LRP11: variants seen among roughly 807,000 people sequenced by gnomAD.
LRP11 encodes low-density lipoprotein receptor-related protein 11.
In LRP11, 25 loss-of-function variants were observed where a neutral mutation model predicts 43.1. The observed-to-expected ratio is 0.58, with a 90% CI of 0.42 to 0.81. The LOEUF (loss-of-function observed/expected upper bound fraction) is 0.81, where lower values mean the gene tolerates loss of function less well. Among genes scored for constraint, LRP11 ranks in the 30% least tolerant of loss-of-function variants. The pLI is 0.00. For missense variants in LRP11, 623 were observed against 665.1 expected, an observed-to-expected ratio of 0.94 and a Z score of 0.70; for synonymous variants, 316 against 299.4, an observed-to-expected ratio of 1.06 and a Z score of -0.57.
intron 1 of LRP11, among the ~76,000 whole-genome samples, chr6:149,859,004 T>C (rs1201183430): frequency 1.3e-5 from 2 of 152,152 alleles, no homozygotes; most frequent in African/African-American, 2.4e-5. Flanking sequence ...AAGTTTCCCA[T>C]ATGCATGTCA....
chr6:149,832,215 T>A (rs1819531), intron 5 of LRP11, among the ~76,000 whole-genome samples: 3 of 144,180 alleles, frequency 2.1e-5, no homozygotes, highest in African/African-American at 5.2e-5. Context: ...TTTTTGAGAC[T>A]GAGTCTCACT....
intron 1 of LRP11, among the ~76,000 whole-genome samples, chr6:149,862,577 CTTT>C (rs10553273): frequency 5.6e-4 from 71 of 126,194 alleles, no homozygotes; most frequent in African/African-American, 1.6e-3. Context: ...TTTTCTTTTC[CTTT>C]TTTTTTTTTT....
chr6:149,824,277 A>G (rs1214595437), intron 6 of LRP11, among the ~76,000 whole-genome samples: 4 of 152,202 alleles, frequency 2.6e-5, no homozygotes, highest in Non-Finnish European at 5.9e-5. Flanking sequence ...AATAAAACAG[A>G]CGAGATCTGG....
At chr6:149,850,480 ATTAG>A (rs1181735036) in intron 2 of LRP11, among the ~76,000 whole-genome samples, 1 of 152,206 alleles carries the variant, frequency 6.6e-6, no homozygotes, top group African/African-American at 2.4e-5. Context: ...TTTCAAAGAC[ATTAG>A]TTAAAGAGGG....
At chr6:149,839,781 A>G (rs1488714714) in intron 3 of LRP11, among the ~76,000 whole-genome samples, 3 of 152,174 alleles carry the variant, frequency 2.0e-5, no homozygotes, top group African/African-American at 7.2e-5. Flanking sequence ...CAGCCTCCTG[A>G]GTAGCTGGGA....
Position 149,863,534 on chromosome 6 carries a change from A to G in LRP11, c.487T>C (p.Phe163Leu). Residue 163 changes from phenylalanine (F) to leucine (L), a missense_variant, in exon 1 of 7, where the codon TTC becomes CTC. By Grantham distance (22) the Phe-to-Leu change is conservative. Coordinates refer to ENST00000239367, the MANE Select transcript of LRP11 (RefSeq NM_032832.6). Reference sequence around the variant, plus strand: ...TTGCGGCCGCGCGCCGTGCAGTTGAAGAGGTAGCAGCCGAGCACGGCTGCC... The same window carrying G: ...TTGCGGCCGCGCGCCGTGCAGTTGAGGAGGTAGCAGCCGAGCACGGCTGCC... ...PPAAVLGCYLFNCTARGRNVC... is the reference protein window; with the variant it reads ...PPAAVLGCYLLNCTARGRNVC... The G allele has an allele frequency of 1.5e-6, 2 of 1,359,156 alleles. No homozygotes were observed. Among genetic ancestry groups the G allele is most frequent in the South Asian group, 1.8e-5 (1 of 55,494 alleles). The allele number at this position is 1,359,156 out of a possible 1,614,324, so 84.2% of individuals were successfully genotyped here. A position where few individuals can be genotyped will look rare whatever the true frequency, so the allele number is the denominator to read the frequency against.
At position 149,827,414 on chromosome 6, in the gene LRP11, T is replaced by C. The variant is rs1156945349; in HGVS notation, c.1253-1055A>G. On this transcript the variant is annotated intron_variant, in intron 5 of 6. Transcript: ENST00000239367. The surrounding 1 kb of genome is among the most constrained non-coding windows in gnomAD (Gnocchi z 4.2). ...GAAATAAGACTATTTAAAGGTAGTA[T>C]ATAAAATTCTTTGGTAACTTGCATT... Among the ~76,000 whole-genome samples the C allele has an allele frequency of 1.3e-5, 2 of 152,252 alleles. No individual in the cohort carries two copies. Among genetic ancestry groups the C allele is most frequent in the Non-Finnish European group, 2.9e-5 (2 of 68,030 alleles).
In LRP11 at chr6:149,859,394, A is replaced by ATTTTTT. The variant is rs1194880373; in HGVS notation, c.613+4013_613+4014insAAAAAA. ...TGCTGACTCATATATATATATATAT[A>ATTTTTT]TATTTTTTTTTTTTTTTTTTTGACC... is the stretch of plus-strand genomic sequence containing the variant. On this transcript the variant is annotated intron_variant, in intron 1 of 6. Transcript: ENST00000239367. Among the ~76,000 whole-genome samples the ATTTTTT allele has an allele frequency of 5.4e-3, 401 of 73,760 alleles. 14 individuals are homozygous for ATTTTTT. Among genetic ancestry groups the ATTTTTT allele is most frequent in the African/African-American group, 0.034 (383 of 11,192 alleles). The allele number at this position is 73,760 out of a possible 152,430, so 48.4% of individuals were successfully genotyped here.
At chr6:149,859,392 A>T (rs1433768691) in intron 1 of LRP11, among the ~76,000 whole-genome samples, 3 of 76,832 alleles carry the variant, frequency 3.9e-5, no homozygotes, top group African/African-American at 1.9e-4. Flanking sequence ...ATATATATAT[A>T]TATATTTTTT....
rs1421324243 is a variant in LRP11 at position 149,819,562 on chromosome 6, T to A, written c.*987A>T. Reference sequence around the variant, plus strand: ...CCTGGCATTAGCTGATGGCACATTCTAACATTTTATAGCATTAAAAAACAT... The same window carrying A: ...CCTGGCATTAGCTGATGGCACATTCAAACATTTTATAGCATTAAAAAACAT... On this transcript the variant is annotated 3_prime_UTR_variant, in exon 7 of 7. Transcript: ENST00000239367. 6.6e-6 allele frequency: 1 copy of A among 152,664 alleles called. No homozygotes were observed. The highest frequency in any genetic ancestry group is 6.5e-5 in the Admixed American group (1 of 15,282). 9.5% of individuals were successfully genotyped at this position (152,664 alleles called of 1,614,324 possible).
At position 149,853,148 on chromosome 6, in the gene LRP11, G is replaced by T. The variant is rs1444811974; in HGVS notation, c.626C>A (p.Pro209His). 1 of 1,569,928 alleles carries T rather than the reference G, an allele frequency of 6.4e-7. No individual in the cohort carries two copies. The highest frequency in any genetic ancestry group is 8.6e-7 in the Non-Finnish European group (1 of 1,163,116). ...ATCCTGCCCAGCCTTGCTAAGTGGA[G>T]GCGCATCCTTTTCTGAGAAAGAAAA... ...RASPRQEKDA[P>H]PLSKAGQDVV... Residue 209 changes from proline to histidine, a missense_variant, in exon 2 of 7, where the codon CCT becomes CAT. Coordinates refer to ENST00000239367, the MANE Select transcript of LRP11 (RefSeq NM_032832.6).
chr6:149,864,129 T>C lies in LRP11; in HGVS notation c.-109A>G. On this transcript the variant is annotated 5_prime_UTR_variant, in exon 1 of 7. Coordinates refer to ENST00000239367, the MANE Select transcript of LRP11 (RefSeq NM_032832.6). The stretch of plus-strand genomic sequence containing the variant: ...CCCCTCCTGCGCGGCCGCGGCTGGC[T>C]CTAGGCCCCGGCCTCACAGCGCGGC... 8.5e-7 allele frequency: 1 copy of C among 1,172,928 alleles called. No homozygotes were observed. Among genetic ancestry groups the C allele is most frequent in the Non-Finnish European group, 1.1e-6 (1 of 951,270 alleles). The allele number at this position is 1,172,928 out of a possible 1,614,324, so 72.7% of individuals were successfully genotyped here.
At chr6:149,826,586 G>A (rs1371665909) in intron 5 of LRP11, among the ~76,000 whole-genome samples, 1 of 124,216 alleles carries the variant, frequency 8.1e-6, no homozygotes. Flanking sequence ...CAGAGAGAGC[G>A]GAAGACACAC....
intron 3 of LRP11, 162 bp downstream of exon 3, chr6:149,842,821 G>C (rs1583085868): frequency 7.5e-6 from 9 of 1,201,718 alleles, no homozygotes; most frequent in Non-Finnish European, 1.1e-5. Context: ...AAACAGAAGA[G>C]AGCCTGCTTT....
chr6:149,843,215 C>A, intron 2 of LRP11, 91 bp from the exon 3 acceptor site: 1 of 1,475,458 alleles, frequency 6.8e-7, no homozygotes, highest in South Asian at 1.2e-5. Context: ...GTCCTCAGAG[C>A]AGCCCCAGGA....
intron 1 of LRP11, among the ~76,000 whole-genome samples, chr6:149,860,203 G>T (rs181741204): frequency 1.3e-5 from 2 of 152,258 alleles, no homozygotes; most frequent in Non-Finnish European, 2.9e-5. Context: ...CTGCAGAGAG[G>T]AGAGCAGACC....
chr6:149,828,282 T>C (rs139892877), intron 5 of LRP11, among the ~76,000 whole-genome samples: 77 of 152,226 alleles, frequency 5.1e-4, no homozygotes, highest in African/African-American at 1.8e-3. Flanking sequence ...GAAAGCACTA[T>C]TTAATACAGA....
In LRP11 at chr6:149,863,454, C is replaced by A; in HGVS notation, c.567G>T (p.Ala189=). Residue 189 remains alanine (A), a synonymous_variant, in exon 1 of 7, where the codon GCG becomes GCT. Transcript: ENST00000239367. ...SGYSSYSLSR[A]PDGAALATAR... ...CGGTGGCCAGGGCGGCGCCGTCCGG[C>A]GCGCGGCTGAGGCTGTAGCTGCTGT... 7.5e-7 allele frequency: 1 copy of A among 1,325,132 alleles called. No homozygotes were observed. 82.1% of individuals were successfully genotyped at this position (1,325,132 alleles called of 1,614,324 possible).
rs931319833 is a variant in LRP11, at chr6:149,833,482, G to A, written c.1252+2603C>T. Reference sequence around the variant, plus strand: ...TGAATAGTTAATAATACATGAAAATGCTCATGAGTAAGAAAAAAGTTTTAT... The same window carrying A: ...TGAATAGTTAATAATACATGAAAATACTCATGAGTAAGAAAAAAGTTTTAT... On this transcript the variant is annotated intron_variant, in intron 5 of 6. Coordinates refer to ENST00000239367, the MANE Select transcript of LRP11 (RefSeq NM_032832.6). Among the ~76,000 whole-genome samples the A allele has an allele frequency of 6.6e-5, 10 of 152,184 alleles. No homozygotes were observed. The South Asian group carries it at 1.9e-3, about 28-fold the overall frequency.
Sources: allele counts gnomAD v4.1 joint callset (sites outside exome capture counted in the v4.1 genomes callset), GRCh38; gene constraint gnomAD v4.1.1; non-coding constraint Gnocchi (gnomAD v3.1); transcripts MANE v1.5; gene names NCBI Gene and HGNC (gene_info 2026-07-23, HGNC 2026-07-21).